Variants in GOSR1 observed in about 807,000 individuals in gnomAD.
The protein encoded by GOSR1 is golgi SNAP receptor complex member 1, also known as 28 kDa Golgi SNARE protein.
A neutral mutation model predicts 35.5 loss-of-function variants in GOSR1; 21 were observed. The ratio of observed to expected loss-of-function variants is 0.59; its 90% confidence interval spans 0.42 to 0.85. The LOEUF (loss-of-function observed/expected upper bound fraction) is 0.85, where lower values mean the gene tolerates loss of function less well. Ranked by LOEUF, GOSR1 falls within the 40% of genes least tolerant of loss-of-function variation. The probability of loss-of-function intolerance (pLI) is 0.00; values close to 1 mark genes in which losing one functional copy is unlikely to be tolerated. For synonymous variants in GOSR1, 94 were observed against 106.6 expected (o/e 0.88, Z 0.73); for missense variants, 285 against 309.6 (o/e 0.92, Z 0.60).
At chr17:30,488,035 A>G (rs1914787134) in intron 4 of GOSR1, among the ~76,000 whole-genome samples, 1 of 151,464 alleles carries the variant, frequency 6.6e-6, no homozygotes, top group South Asian at 2.1e-4. Context: ...CGGCCTCCCA[A>G]AGTGCTGGGA....
Position 30,522,442 on chromosome 17 carries a change from A to G in GOSR1, c.*64A>G, listed in dbSNP as rs1968072827. 3 of 1,364,686 alleles carry G rather than the reference A, an allele frequency of 2.2e-6. No individual in the cohort carries two copies. Among genetic ancestry groups the G allele is most frequent in the Non-Finnish European group, 3.0e-6 (3 of 1,011,060 alleles). The allele number at this position is 1,364,686 out of a possible 1,614,324, so 84.5% of individuals were successfully genotyped here. A position where few individuals can be genotyped will look rare whatever the true frequency, so the allele number is the denominator to read the frequency against. Reference sequence around the variant, plus strand: ...ACACCCTGGTCTGGAATAAGGAAACATCGGAGGGAGAAGTTGACTGTCTTG... The same window carrying G: ...ACACCCTGGTCTGGAATAAGGAAACGTCGGAGGGAGAAGTTGACTGTCTTG... On this transcript the variant is annotated 3_prime_UTR_variant, in exon 9 of 9. Transcript: ENST00000451249.
chr17:30,477,651 C>T (rs1597747709), intron 1 of GOSR1, 187 bp downstream of exon 1: 1 of 985,108 alleles, frequency 1.0e-6, no homozygotes, highest in East Asian at 1.1e-4. Flanking sequence ...GGGGTCTGGC[C>T]TGGCCGGGGC....
At chr17:30,497,380 G>A (rs1013615038) in intron 6 of GOSR1, among the ~76,000 whole-genome samples, 3 of 152,170 alleles carry the variant, frequency 2.0e-5, no homozygotes, top group Non-Finnish European at 4.4e-5. Context: ...ATAGTGAAAT[G>A]ATTAGGGCAG....
intron 6 of GOSR1, among the ~76,000 whole-genome samples, chr17:30,509,806 T>TA (rs1194497886): frequency 2.6e-5 from 4 of 151,980 alleles, no homozygotes; most frequent in Admixed American, 6.6e-5. Flanking sequence ...AAATTTTAGT[T>TA]AAAAAAAAGC....
chr17:30,517,245 T>C (rs1226298754), intron 7 of GOSR1, among the ~76,000 whole-genome samples: 1 of 152,234 alleles, frequency 6.6e-6, no homozygotes, highest in African/African-American at 2.4e-5. Context: ...AAAATGTTCT[T>C]ATTGTAACAA....
rs1330560378 is a variant in GOSR1, at chr17:30,526,705, AATTTT to A, written c.*4331_*4335del. 6.6e-6 allele frequency: 1 copy of A among 152,586 alleles called. No individual in the cohort carries two copies. 9.5% of individuals were successfully genotyped at this position (152,586 alleles called of 1,614,324 possible). A position where few individuals can be genotyped will look rare whatever the true frequency, so the allele number is the denominator to read the frequency against. ...GCTTTTAAAATAGCTTCTTGGAACCAATTTTATTGTATTTGTACTTAATTTTTGTT... is the reference window on the plus strand; with the variant it reads ...GCTTTTAAAATAGCTTCTTGGAACCAATTGTATTTGTACTTAATTTTTGTT... On this transcript the variant is annotated 3_prime_UTR_variant, in exon 9 of 9. Coordinates refer to ENST00000451249, the MANE Select transcript of GOSR1 (RefSeq NM_001007025.2).
chr17:30,482,664 A>G (rs769772074), intron 2 of GOSR1, among the ~76,000 whole-genome samples: 4 of 152,238 alleles, frequency 2.6e-5, no homozygotes, highest in Non-Finnish European at 5.9e-5. Flanking sequence ...CAAAAAGCTG[A>G]TTTCAACACT....
intron 1 of GOSR1, chr17:30,478,583 C>T (rs1914106459): frequency 7.6e-6 from 1 of 131,808 alleles, no homozygotes; most frequent in Admixed American, 8.9e-5. Context: ...TTTGGAGACT[C>T]GCTATGTCGC....
intron 1 of GOSR1, chr17:30,478,526 C>G (rs1914099992): frequency 6.6e-6 from 1 of 152,036 alleles, no homozygotes; most frequent in East Asian, 1.9e-4. Context: ...TATTACAATG[C>G]CCATTTGAAA....
intron 6 of GOSR1, among the ~76,000 whole-genome samples, chr17:30,493,112 A>G (rs1172298029): frequency 6.6e-6 from 1 of 151,734 alleles, no homozygotes. Flanking sequence ...CTCCTGCCTC[A>G]GCCTCCCAAG....
intron 8 of GOSR1, 46 bp from the exon 9 acceptor site, chr17:30,522,208 C>A: frequency 6.5e-7 from 1 of 1,540,944 alleles, no homozygotes; most frequent in South Asian, 1.2e-5. Context: ...GACTTTTCGC[C>A]AGAGAGGCTT....
intron 6 of GOSR1, among the ~76,000 whole-genome samples, chr17:30,498,941 AC>A (rs1967100227): frequency 6.6e-6 from 1 of 152,158 alleles, no homozygotes; most frequent in Non-Finnish European, 1.5e-5. Context: ...GACTCTTTTA[AC>A]CGCCACCACA....
intron 8 of GOSR1, among the ~76,000 whole-genome samples, chr17:30,521,167 CTTTT>C (rs71360748): frequency 3.1e-5 from 2 of 64,204 alleles, no homozygotes; most frequent in African/African-American, 7.6e-5. Flanking sequence ...TTCTCTCTCT[CTTTT>C]TTTTTTTTTT....
intron 6 of GOSR1, among the ~76,000 whole-genome samples, chr17:30,497,057 A>G (rs1967031932): frequency 6.6e-6 from 1 of 152,174 alleles, no homozygotes; most frequent in Non-Finnish European, 1.5e-5. Context: ...TTGGTTTCCT[A>G]GAGTATATTT....
chr17:30,495,339 A>T, intron 6 of GOSR1: 1 of 436,228 alleles, frequency 2.3e-6, no homozygotes, highest in East Asian at 7.0e-5. Context: ...TTGACCAGGC[A>T]TATGATGCTT....
At position 30,481,275 on chromosome 17, in the gene GOSR1, T is replaced by G. The variant is rs1351235042; in HGVS notation, c.146+18T>G. On this transcript the variant is annotated intron_variant, in intron 2 of 8. Transcript: ENST00000451249. ...CGCGACAGGTATAGGTACTACCAGA[T>G]TCTGTCTCCTATGCCTTAACTGTGT... 4 of 1,585,792 alleles carry G rather than the reference T, an allele frequency of 2.5e-6. No individual in the cohort carries two copies. Among genetic ancestry groups the G allele is most frequent in the Non-Finnish European group, 3.5e-6 (4 of 1,155,512 alleles).
chr17:30,485,748 G>A (rs533414922), intron 4 of GOSR1, among the ~76,000 whole-genome samples: 6 of 152,176 alleles, frequency 3.9e-5, no homozygotes, highest in Non-Finnish European at 7.3e-5. Flanking sequence ...ATGGCCGGGC[G>A]CAGTGGCTCG....
chr17:30,487,689 A>G (rs895246354), intron 4 of GOSR1, among the ~76,000 whole-genome samples: 6 of 152,268 alleles, frequency 3.9e-5, no homozygotes, highest in South Asian at 2.1e-4. Context: ...TGGTGGGAAC[A>G]TAAATTGATG....
chr17:30,491,953 G>A (rs1180752326), intron 5 of GOSR1, among the ~76,000 whole-genome samples: 1 of 152,102 alleles, frequency 6.6e-6, no homozygotes. Flanking sequence ...TTTCCTTGGT[G>A]GTGGTTTCTC....
Sources: gnomAD v4.1 joint callset for allele counts (sites outside exome capture counted in the v4.1 genomes callset) on GRCh38, gnomAD v4.1.1 for gene constraint, MANE v1.5 for transcripts, NCBI Gene and HGNC (gene_info 2026-07-23, HGNC 2026-07-21) for gene names.